The following MACROD1 variants were observed in gnomAD, a reference collection of about 807,000 sequenced individuals.
MACROD1 encodes the protein ADP-ribose glycohydrolase MACROD1.
Under a neutral mutation model 41.4 loss-of-function variants are expected in MACROD1, and 31 were observed. That is an observed-to-expected ratio of 0.75 (90% confidence interval 0.56 to 1.01). MACROD1 has a LOEUF of 1.01. Ranked by LOEUF, MACROD1 falls within the 50% of genes least tolerant of loss-of-function variation. The pLI, the probability that MACROD1 is intolerant of heterozygous loss-of-function variation, is 0.00. For synonymous variants in MACROD1, 252 were observed against 203.4 expected (o/e 1.24, Z -2.03); for missense variants, 473 against 460.0 (o/e 1.03, Z -0.26).
intron 3 of MACROD1, among the ~76,000 whole-genome samples, chr11:64,104,390 A>C (rs1176820082): frequency 6.6e-6 from 1 of 152,044 alleles, no homozygotes; most frequent in East Asian, 1.9e-4. Context: ...TGCCGGCATA[A>C]GCATCATTTG....
chr11:64,072,519 C>T (rs1199331588), intron 3 of MACROD1, among the ~76,000 whole-genome samples: 1 of 152,188 alleles, frequency 6.6e-6, no homozygotes, highest in Non-Finnish European at 1.5e-5. Flanking sequence ...ACCAGGCACC[C>T]GTGAACCCGC....
rs573973283 is a variant in MACROD1, at chr11:64,082,262, C to T, written c.518-66981G>A. 1.3e-5 allele frequency among the ~76,000 whole-genome samples: 2 copies of T among 152,030 alleles called. No homozygotes were observed. Among genetic ancestry groups the T allele is most frequent in the African/African-American group, 2.4e-5 (1 of 41,386 alleles). ...CCCTGCTTAGCAGAGGATGGCTGAG[C>T]CTGGGGGGTGGAGAAAATCTTGCCT... is the stretch of plus-strand genomic sequence containing the variant. On this transcript the variant is annotated intron_variant, in intron 3 of 10. Coordinates refer to ENST00000255681, the MANE Select transcript of MACROD1 (RefSeq NM_014067.4). This position sits in a 1 kb window ranked among gnomAD's most constrained non-coding sequence, Gnocchi z 4.5.
At chr11:64,097,689 C>T (rs1310881576) in intron 3 of MACROD1, among the ~76,000 whole-genome samples, 1 of 152,264 alleles carries the variant, frequency 6.6e-6, no homozygotes, top group Non-Finnish European at 1.5e-5. Context: ...TCCGCCTCTT[C>T]TCACCCTGCT....
At chr11:64,030,142 G>T (rs1297281970) in intron 3 of MACROD1, among the ~76,000 whole-genome samples, 1 of 151,948 alleles carries the variant, frequency 6.6e-6, no homozygotes, top group Non-Finnish European at 1.5e-5. Flanking sequence ...GGGGCAGCTG[G>T]TTAGACCTGA....
At chr11:64,134,014 C>T (rs112577593) in intron 3 of MACROD1, among the ~76,000 whole-genome samples, 4 of 152,322 alleles carry the variant, frequency 2.6e-5, no homozygotes, top group African/African-American at 9.6e-5. Flanking sequence ...GGAGCAGAGA[C>T]AGAACATGCA....
intron 3 of MACROD1, among the ~76,000 whole-genome samples, chr11:64,088,988 C>G (rs1394437229): frequency 1.3e-5 from 2 of 152,134 alleles, no homozygotes; most frequent in Admixed American, 6.5e-5. Flanking sequence ...TTACCAGACT[C>G]AGAGAGAGCC....
intron 3 of MACROD1, chr11:64,118,067 T>C: frequency 1.2e-6 from 2 of 1,612,990 alleles, no homozygotes; most frequent in Non-Finnish European, 1.7e-6. Context: ...AGGATGACTA[T>C]ATGGAGTCAG....
chr11:64,026,320 C>T (rs1252527846), intron 3 of MACROD1, among the ~76,000 whole-genome samples: 1 of 152,148 alleles, frequency 6.6e-6, no homozygotes, highest in East Asian at 1.9e-4. Flanking sequence ...CCACTGCGCT[C>T]GGCCTCGTGT....
At chr11:64,077,689 G>T (rs1944228296) in intron 3 of MACROD1, among the ~76,000 whole-genome samples, 3 of 152,158 alleles carry the variant, frequency 2.0e-5, no homozygotes. Flanking sequence ...CCCCCTTGTT[G>T]TCTGGGAGCA....
intron 1 of MACROD1, among the ~76,000 whole-genome samples, chr11:64,164,542 C>T (rs1025918022): frequency 4.6e-5 from 7 of 152,228 alleles, no homozygotes; most frequent in Non-Finnish European, 8.8e-5. Flanking sequence ...GGGGCAAGGG[C>T]CAAGTGCCTG....
chr11:64,154,978 C>T (rs908148560), intron 1 of MACROD1, among the ~76,000 whole-genome samples: 10 of 152,362 alleles, frequency 6.6e-5, no homozygotes, highest in African/African-American at 1.7e-4. Context: ...GTCAGCCTCC[C>T]GAAGTGCTGG....
intron 1 of MACROD1, among the ~76,000 whole-genome samples, chr11:64,152,731 G>T (rs1945601571): frequency 6.6e-6 from 1 of 152,212 alleles, no homozygotes; most frequent in Non-Finnish European, 1.5e-5. Flanking sequence ...GAACGGGGGT[G>T]AAGACGTCCC....
intron 3 of MACROD1, among the ~76,000 whole-genome samples, chr11:64,050,366 C>T (rs1381433877): frequency 6.6e-6 from 1 of 152,182 alleles, no homozygotes; most frequent in Non-Finnish European, 1.5e-5. Context: ...TGCAGGCCAC[C>T]TAGGGGCAGC....
intron 3 of MACROD1, among the ~76,000 whole-genome samples, chr11:64,137,319 G>A (rs1452998756): frequency 6.6e-6 from 1 of 152,148 alleles, no homozygotes; most frequent in South Asian, 2.1e-4. Context: ...TGTGAGGGGC[G>A]AGCACTTTGG....
chr11:64,141,030 G>A (rs770730454), intron 3 of MACROD1, among the ~76,000 whole-genome samples: 16 of 152,228 alleles, frequency 1.1e-4, no homozygotes, highest in Admixed American at 2.0e-4. Context: ...AGCAACTCGG[G>A]AGGCTAAGGT....
chr11:64,150,064 T>C (rs1945551529), intron 3 of MACROD1, among the ~76,000 whole-genome samples: 1 of 152,218 alleles, frequency 6.6e-6, no homozygotes, highest in South Asian at 2.1e-4. Flanking sequence ...AGACAGGGAA[T>C]GTGCGGGCAA....
At chr11:64,106,675 C>T (rs1316023028) in intron 3 of MACROD1, among the ~76,000 whole-genome samples, 1 of 152,176 alleles carries the variant, frequency 6.6e-6, no homozygotes, top group Non-Finnish European at 1.5e-5. Flanking sequence ...GGTCACACTG[C>T]TCCTCTCCAG....
At chr11:64,034,553 AGGC>A (rs1246069223) in intron 3 of MACROD1, among the ~76,000 whole-genome samples, 1 of 152,208 alleles carries the variant, frequency 6.6e-6, no homozygotes, top group Non-Finnish European at 1.5e-5. Context: ...CAGAGGCCAG[AGGC>A]GGCGGCCTCA....
chr11:64,114,668 T>C (rs537836973), intron 3 of MACROD1, among the ~76,000 whole-genome samples: 5 of 151,450 alleles, frequency 3.3e-5, no homozygotes, highest in Admixed American at 1.3e-4. Context: ...GACAGGTGGA[T>C]AGATGGATGG....
Sources: gnomAD v4.1 joint callset for allele counts (sites outside exome capture counted in the v4.1 genomes callset) on GRCh38, gnomAD v4.1.1 for gene constraint, Gnocchi (gnomAD v3.1) non-coding constraint, MANE v1.5 for transcripts, NCBI Gene and HGNC (gene_info 2026-07-23, HGNC 2026-07-21) for gene names.